GLB1: variants seen among roughly 807,000 people sequenced by gnomAD.
GLB1 encodes the protein galactosidase beta 1.
GLB1 carries 56 observed loss-of-function variants against 74.0 expected under a neutral mutation model. The observed-to-expected ratio is 0.76, with a 90% CI of 0.61 to 0.94. GLB1 has a LOEUF of 0.94. Among genes scored for constraint, GLB1 ranks in the 40% least tolerant of loss-of-function variants. The pLI is 0.00. For synonymous variants in GLB1, 323 were observed against 323.6 expected, an observed-to-expected ratio of 1.00 and a Z score of 0.02; for missense variants, 787 against 845.5, an observed-to-expected ratio of 0.93 and a Z score of 0.86.
chr3:33,068,614 G>A (rs1255131876), intron 3 of GLB1, among the ~76,000 whole-genome samples: 1 of 152,036 alleles, frequency 6.6e-6, no homozygotes, highest in East Asian at 1.9e-4. Context: ...TGAGGTATGT[G>A]AGTGACCACC....
At chr3:33,065,779 C>T (rs1699647979) in intron 4 of GLB1, among the ~76,000 whole-genome samples, 1 of 151,992 alleles carries the variant, frequency 6.6e-6, no homozygotes. Context: ...ACCAGCCTGA[C>T]CAACATGGAG....
chr3:33,043,844 G>GAAAAAAAAAAAAA (rs376478014), intron 10 of GLB1, among the ~76,000 whole-genome samples: 20 of 104,928 alleles, frequency 1.9e-4, no homozygotes, highest in South Asian at 3.3e-4. Context: ...ACCAAAAAAA[G>GAAAAAAAAAAAAA]AAAAAAAAAA....
chr3:33,029,506 C>A (rs530116067), intron 10 of GLB1, among the ~76,000 whole-genome samples: 1 of 152,038 alleles, frequency 6.6e-6, no homozygotes, highest in South Asian at 2.1e-4. Context: ...TATTAATACA[C>A]CACAAAAAGT....
chr3:33,088,346 AG>A (rs1479834249), intron 1 of GLB1, among the ~76,000 whole-genome samples: 2 of 149,800 alleles, frequency 1.3e-5, no homozygotes, highest in Non-Finnish European at 3.0e-5. Flanking sequence ...ATATAATCTT[AG>A]ATGTAGGAAA....
At chr3:33,051,422 C>A (rs1376141634) in intron 9 of GLB1, among the ~76,000 whole-genome samples, 1 of 150,622 alleles carries the variant, frequency 6.6e-6, no homozygotes, top group Non-Finnish European at 1.5e-5. Context: ...CATGGTGAAA[C>A]CCCGTCTCTA....
chr3:33,027,716 A>C (rs1458964082), intron 10 of GLB1, among the ~76,000 whole-genome samples: 1 of 152,156 alleles, frequency 6.6e-6, no homozygotes, highest in Non-Finnish European at 1.5e-5. Flanking sequence ...TGAGAGGCGG[A>C]GGTTGCAGTG....
At chr3:33,045,776 A>T (rs952274486) in intron 10 of GLB1, 1 of 1,170,814 alleles carries the variant, frequency 8.5e-7, no homozygotes, top group East Asian at 5.9e-5. Context: ...GAACTTTTGG[A>T]AAGATAATCT....
At chr3:32,998,192 A>G (rs1400551156) in intron 15 of GLB1, among the ~76,000 whole-genome samples, 1 of 152,246 alleles carries the variant, frequency 6.6e-6, no homozygotes, top group Non-Finnish European at 1.5e-5. Flanking sequence ...CTGTCTACAC[A>G]GCCTCTCTGT....
intron 9 of GLB1, among the ~76,000 whole-genome samples, chr3:33,051,334 C>T (rs778453942): frequency 4.7e-5 from 7 of 150,398 alleles, no homozygotes; most frequent in South Asian, 2.1e-4. Context: ...TGGTGGCTCA[C>T]GCCTGTAATC....
chr3:33,027,436 C>A (rs998154092), intron 10 of GLB1, among the ~76,000 whole-genome samples: 11 of 152,224 alleles, frequency 7.2e-5, no homozygotes, highest in Non-Finnish European at 1.2e-4. Context: ...GTGGGCAGAA[C>A]GAACCCAGTG....
chr3:33,051,727 TAA>T, intron 9 of GLB1, 29 bp downstream of exon 9: 1 of 1,613,778 alleles, frequency 6.2e-7, no homozygotes, highest in Non-Finnish European at 8.5e-7. Flanking sequence ...CATTCTAGCA[TAA>T]GTTTCTACAG....
At chr3:33,068,114 C>A in intron 4 of GLB1, 116 bp downstream of exon 4, 1 of 1,479,328 alleles carries the variant, frequency 6.8e-7, no homozygotes, top group Non-Finnish European at 9.4e-7. Context: ...CTCGAACTCC[C>A]AACCTCAGGT....
chr3:33,020,035 C>T (rs1451349143), intron 12 of GLB1, among the ~76,000 whole-genome samples: 1 of 152,104 alleles, frequency 6.6e-6, no homozygotes, highest in Non-Finnish European at 1.5e-5. Context: ...CATATAGTAA[C>T]CTGGAACTCC....
In GLB1 at chr3:33,065,511, C is replaced by A. The variant is rs780127497; in HGVS notation, c.504G>T (p.Lys168Asn). The change falls in exon 5 of 16, where the codon AAG becomes AAT. Residue 168 changes from lysine to asparagine, a missense_variant. Transcript: ENST00000307363. ...VDKWLGVLLPKMKPLLYQNGG... is the reference protein window; with the variant it reads ...VDKWLGVLLPNMKPLLYQNGG... Reference sequence around the variant, plus strand: ...CATTCTGATAGAGGAGAGGCTTCATCTTGGGCAGAAGGACTCCCAACCACT... The same window carrying A: ...CATTCTGATAGAGGAGAGGCTTCATATTGGGCAGAAGGACTCCCAACCACT... 1.6e-5 allele frequency: 26 copies of A among 1,586,634 alleles called. No homozygotes were observed. The East Asian group carries it at 5.8e-4, about 36-fold the overall frequency.
At chr3:33,089,588 G>A (rs902521863) in intron 1 of GLB1, among the ~76,000 whole-genome samples, 1 of 152,090 alleles carries the variant, frequency 6.6e-6, no homozygotes, top group African/African-American at 2.4e-5. Context: ...CCTTAAAAAG[G>A]ACAGAAATCC....
At chr3:32,986,147 C>T in the GLB1 span, among the ~76,000 whole-genome samples, 1 of 152,254 alleles carries the variant, frequency 6.6e-6, no homozygotes, top group Non-Finnish European at 1.5e-5. Flanking sequence ...GGAAGCAGCG[C>T]CTCAGGCGGT....
the GLB1 span, among the ~76,000 whole-genome samples, chr3:32,987,118 A>G: frequency 2.0e-5 from 3 of 152,228 alleles, no homozygotes; most frequent in East Asian, 5.8e-4. Flanking sequence ...ACCTCCCCAC[A>G]GTACAACTAG....
chr3:32,973,124 G>A, the GLB1 span, among the ~76,000 whole-genome samples: 15 of 152,080 alleles, frequency 9.9e-5, no homozygotes, highest in African/African-American at 3.1e-4. Context: ...CTCTTTGTTC[G>A]GGGCTTAGTC....
chr3:33,081,495 G>T (rs1485190724), intron 1 of GLB1, among the ~76,000 whole-genome samples: 1 of 152,164 alleles, frequency 6.6e-6, no homozygotes, highest in Admixed American at 6.5e-5. Context: ...TGTAAAAAGG[G>T]TGACCAGAGA....
Sources: allele counts gnomAD v4.1 joint callset (sites outside exome capture counted in the v4.1 genomes callset), GRCh38; gene constraint gnomAD v4.1.1; transcripts MANE v1.5; gene names NCBI Gene and HGNC (gene_info 2026-07-23, HGNC 2026-07-21).